The following STARD9 variants were observed in gnomAD, a reference collection of about 807,000 sequenced individuals.
The protein encoded by STARD9 is StAR related lipid transfer domain containing 9.
STARD9 carries 346 observed loss-of-function variants against 399.8 expected under a neutral mutation model. The observed-to-expected ratio is 0.87, with a 90% confidence interval of 0.79 to 0.95. The LOEUF (loss-of-function observed/expected upper bound fraction) is 0.95, where lower values mean the gene tolerates loss of function less well. Among genes scored for constraint, STARD9 ranks in the 40% least tolerant of loss-of-function variants. The pLI is 0.00. For synonymous variants in STARD9, 2,203 were observed against 2,143.5 expected (o/e 1.03, Z -0.77); for missense variants, 5,832 against 5,667.5 (o/e 1.03, Z -0.93).
At chr15:42,681,829 G>A (rs544693134) in intron 21 of STARD9, among the ~76,000 whole-genome samples, 1 of 152,104 alleles carries the variant, frequency 6.6e-6, no homozygotes, top group East Asian at 1.9e-4. Flanking sequence ...TCAGAATTAC[G>A]GACCTCCTAC....
chr15:42,663,532 C>T (rs1236554363), intron 12 of STARD9, 42 bp downstream of exon 12: 1 of 1,499,312 alleles, frequency 6.7e-7, no homozygotes, highest in Admixed American at 2.0e-5. Flanking sequence ...GGGACTGGTA[C>T]TCTATCTCAG....
In STARD9 at chr15:42,583,719, G is replaced by A. The variant is rs991030167; in HGVS notation, c.117+304G>A. On this transcript the variant is annotated intron_variant, in intron 2 of 32. Transcript: ENST00000290607. The stretch of plus-strand genomic sequence containing the variant: ...TTGGGGGCAATAGTTAACTTAAATC[G>A]TGCTGCAGGCAATCCATATTCTATT... Among the ~76,000 whole-genome samples the A allele has an allele frequency of 4.6e-5, 7 of 152,230 alleles. No individual in the cohort carries two copies. The East Asian group carries it at 9.7e-4, about 21-fold the overall frequency.
At chr15:42,618,728 C>T (rs1425087376) in intron 3 of STARD9, among the ~76,000 whole-genome samples, 2 of 152,002 alleles carry the variant, frequency 1.3e-5, no homozygotes, top group Non-Finnish European at 2.9e-5. Flanking sequence ...TCCCGAGTAG[C>T]TGGGACTACA....
chr15:42,706,327 C>T (rs1379154912), intron 26 of STARD9, among the ~76,000 whole-genome samples: 1 of 151,792 alleles, frequency 6.6e-6, no homozygotes, highest in Non-Finnish European at 1.5e-5. Flanking sequence ...TCCTTTATAT[C>T]TTCTGATTAT....
chr15:42,715,101 G>T (rs1373592743), intron 26 of STARD9, among the ~76,000 whole-genome samples: 2 of 151,720 alleles, frequency 1.3e-5, no homozygotes, highest in East Asian at 3.8e-4. Context: ...ACCACTCAGA[G>T]AGATGAGAAG....
intron 3 of STARD9, among the ~76,000 whole-genome samples, chr15:42,611,987 G>A (rs1054174035): frequency 7.9e-5 from 12 of 152,048 alleles, no homozygotes; most frequent in African/African-American, 2.9e-4. Flanking sequence ...ATTATTATTA[G>A]AGACAGGGTC....
At chr15:42,711,384 A>G (rs2061220831) in intron 26 of STARD9, among the ~76,000 whole-genome samples, 1 of 151,598 alleles carries the variant, frequency 6.6e-6, no homozygotes, top group African/African-American at 2.4e-5. Context: ...CAGGTGATCC[A>G]CTCGCTTCAG....
rs2060753790 is a variant in STARD9 at position 42,693,126 on chromosome 15, G to A, written c.11548G>A (p.Glu3850Lys). Residue 3850 changes from glutamate (E) to lysine (K), a missense_variant, in exon 23 of 33, where the codon GAG (glutamate) becomes AAG (lysine). This residue lies in a region of STARD9 where 5,828 missense variants were observed against 5,651.1 expected (regional missense o/e 1.03). Coordinates refer to ENST00000290607, the MANE Select transcript of STARD9 (RefSeq NM_020759.3). ...CCTGCCTCCCAGCTCCCAGCCAGAG[G>A]AGTCATATTGCTTAGTTGTCAGCAG... ...AFLPPSSQPE[E>K]SYCLVVSSPS... 1 of 1,537,150 alleles carries A rather than the reference G, an allele frequency of 6.5e-7. No homozygotes were observed.
rs147795392 is a variant in STARD9, at chr15:42,661,131, A to G, written c.703-27A>G. Reference sequence around the variant, plus strand: ...AAAACAATACAAATCGTTCCAAATGACAGGCTTTAAATGTTTTCTCCTCTA... The same window carrying G: ...AAAACAATACAAATCGTTCCAAATGGCAGGCTTTAAATGTTTTCTCCTCTA... On this transcript the variant is annotated intron_variant, in intron 9 of 32. Transcript: ENST00000290607. 1.0e-3 allele frequency: 1,516 copies of G among 1,499,328 alleles called. 1 individual carries two copies. The highest frequency in any genetic ancestry group is 1.2e-3 in the Admixed American group (60 of 50,904). The allele number at this position is 1,499,328 out of a possible 1,614,324, so 92.9% of individuals were successfully genotyped here.
rs577632439 is a variant in STARD9, at chr15:42,684,114, A to G, written c.2538-2A>G. On this transcript the variant is annotated splice_acceptor_variant, in intron 22 of 32. Transcript: ENST00000290607. LOFTEE classifies it high-confidence loss of function. ...CTGAGATAGCTTTCCTTGTCTTCAC[A>G]GCATTTTCCTAAGTTGGGATCCCTC... 1.3e-6 allele frequency: 2 copies of G among 1,522,328 alleles called. No individual in the cohort carries two copies. Among genetic ancestry groups the G allele is most frequent in the African/African-American group, 1.4e-5 (1 of 72,922 alleles). The allele number at this position is 1,522,328 out of a possible 1,614,324, so 94.3% of individuals were successfully genotyped here. A position where few individuals can be genotyped will look rare whatever the true frequency, so the allele number is the denominator to read the frequency against.
chr15:42,581,536 G>T, intron 1 of STARD9: 3 of 1,288,716 alleles, frequency 2.3e-6, no homozygotes, highest in Non-Finnish European at 2.2e-6. Context: ...AGGCGGCGGC[G>T]CCGGGCCGGT....
At chr15:42,663,772 TG>T in intron 12 of STARD9, 47 bp from the exon 13 acceptor site, 1 of 1,343,446 alleles carries the variant, frequency 7.4e-7, no homozygotes. Context: ...GATTAAGAGC[TG>T]GGATGGATGG....
intron 15 of STARD9, among the ~76,000 whole-genome samples, chr15:42,668,233 T>G (rs1181300775): frequency 6.6e-6 from 1 of 152,176 alleles, no homozygotes; most frequent in Non-Finnish European, 1.5e-5. Context: ...CCTTTACAGG[T>G]ACCCTGTAGT....
chr15:42,700,705 C>T (rs1218560575), intron 26 of STARD9, among the ~76,000 whole-genome samples: 4 of 151,998 alleles, frequency 2.6e-5, no homozygotes, highest in Non-Finnish European at 5.9e-5. Flanking sequence ...TTTGCAAATC[C>T]ATTCTCCCAT....
Position 42,688,533 on chromosome 15 carries a change from C to A in STARD9, c.6955C>A (p.Arg2319=), listed in dbSNP as rs139461243. ...RQETVSPLLS[R]TEFCTAPLHQ... ...GGAAACTGTCAGCCCATTACTAAGC[C>A]GGACAGAATTCTGTACAGCTCCTCT... Residue 2319 remains arginine, a synonymous_variant, in exon 23 of 33, where the codon CGG becomes AGG. Coordinates refer to ENST00000290607, the MANE Select transcript of STARD9 (RefSeq NM_020759.3). 3.2e-5 allele frequency: 49 copies of A among 1,537,712 alleles called. No individual in the cohort carries two copies. Among genetic ancestry groups the A allele is most frequent in the Middle Eastern group, 3.3e-4 (2 of 6,016 alleles).
intron 7 of STARD9, among the ~76,000 whole-genome samples, chr15:42,644,688 T>C (rs1024215234): frequency 6.6e-5 from 10 of 152,142 alleles, no homozygotes; most frequent in Non-Finnish European, 1.2e-4. Flanking sequence ...AAACAACTTA[T>C]GGAGTTTGTT....
chr15:42,626,569 C>T (rs1053713753), intron 3 of STARD9, among the ~76,000 whole-genome samples: 4 of 151,416 alleles, frequency 2.6e-5, no homozygotes, highest in East Asian at 3.9e-4. Flanking sequence ...GGCGCGATTT[C>T]GGCTCACTGC....
Position 42,685,403 on chromosome 15 carries a change from T to G in STARD9, c.3825T>G (p.Phe1275Leu), listed in dbSNP as rs1476599733. 6.5e-7 allele frequency: 1 copy of G among 1,536,000 alleles called. No individual in the cohort carries two copies. Among genetic ancestry groups the G allele is most frequent in the Admixed American group, 2.0e-5 (1 of 50,934 alleles). Residue 1275 changes from phenylalanine (F) to leucine (L), a missense_variant, in exon 23 of 33, where the codon TTT (phenylalanine) becomes TTG (leucine). Phe to Leu is a conservative substitution (Grantham distance 22, BLOSUM62 0). This residue lies in a region of STARD9 where 5,828 missense variants were observed against 5,651.1 expected (regional missense o/e 1.03). Coordinates refer to ENST00000290607, the MANE Select transcript of STARD9 (RefSeq NM_020759.3). ...CCGTCCTGCCAATGAGCAGTTCGTTTTACCTTGATCCTCAGTTCCAACCCC... is the reference window on the plus strand; with the variant it reads ...CCGTCCTGCCAATGAGCAGTTCGTTGTACCTTGATCCTCAGTTCCAACCCC... ...LDAVLPMSSS[F>L]YLDPQFQPHC...
chr15:42,635,774 T>C (rs986671773), intron 4 of STARD9, among the ~76,000 whole-genome samples: 2 of 152,212 alleles, frequency 1.3e-5, no homozygotes, highest in Admixed American at 1.3e-4. Flanking sequence ...GGACAAGACC[T>C]GGACTAAATC....
Sources: gnomAD v4.1 joint callset for allele counts (sites outside exome capture counted in the v4.1 genomes callset) on GRCh38, gnomAD v4.1.1 for gene constraint, gnomAD v4.1.1 regional missense constraint, MANE v1.5 for transcripts, NCBI Gene and HGNC (gene_info 2026-07-23, HGNC 2026-07-21) for gene names.